The following ASIC2 variants were observed in gnomAD, a reference collection of about 807,000 sequenced individuals.
ASIC2 encodes acid-sensing ion channel 2.
ASIC2 carries 25 observed loss-of-function variants against 57.3 expected under a neutral mutation model. The observed-to-expected ratio is 0.44, with a 90% CI of 0.32 to 0.61. The LOEUF (loss-of-function observed/expected upper bound fraction) is 0.61, where lower values mean the gene tolerates loss of function less well. Among genes scored for constraint, ASIC2 ranks in the 20% least tolerant of loss-of-function variants. ASIC2 has a pLI of 0.06. For synonymous variants in ASIC2, 319 were observed against 307.5 expected (o/e 1.04, Z -0.39); for missense variants, 641 against 738.1 (o/e 0.87, Z 1.52).
rs549487675 is a variant in ASIC2, at chr17:33,197,978, G to A, written c.709-85911C>T. Among the ~76,000 whole-genome samples the A allele has an allele frequency of 3.5e-3, 530 of 152,290 alleles. 4 individuals are homozygous for A. Among genetic ancestry groups the A allele is most frequent in the African/African-American group, 0.012 (497 of 41,564 alleles). On this transcript the variant is annotated intron_variant, in intron 1 of 9. Transcript: ENST00000225823. ...GTCCTGGGCCTCACAGATGTTAGTG[G>A]GGAACCTGGCTCCTGGGAACATTAT...
chr17:33,144,135 C>T (rs1904443562), intron 1 of ASIC2, among the ~76,000 whole-genome samples: 1 of 150,070 alleles, frequency 6.7e-6, no homozygotes, highest in Non-Finnish European at 1.5e-5. Flanking sequence ...AGTTACTTTT[C>T]TGGAATTAAA....
At chr17:33,652,340 C>T (rs1018282117) in intron 1 of ASIC2, among the ~76,000 whole-genome samples, 4 of 152,148 alleles carry the variant, frequency 2.6e-5, no homozygotes, top group Non-Finnish European at 5.9e-5. Context: ...TGTCCTCAGA[C>T]CCATCTCAAG....
intron 1 of ASIC2, among the ~76,000 whole-genome samples, chr17:33,444,582 C>T (rs1911945443): frequency 6.8e-6 from 1 of 146,856 alleles, no homozygotes; most frequent in Admixed American, 6.9e-5. Flanking sequence ...GCTCCCTCCC[C>T]CGGTTGGGAT....
intron 1 of ASIC2, among the ~76,000 whole-genome samples, chr17:34,076,379 C>T (rs1909654247): frequency 6.6e-6 from 1 of 152,080 alleles, no homozygotes; most frequent in African/African-American, 2.4e-5. Context: ...AATCACAGCC[C>T]TCTTCACTCA....
intron 1 of ASIC2, among the ~76,000 whole-genome samples, chr17:33,171,591 T>C (rs1412592811): frequency 1.3e-5 from 2 of 152,254 alleles, no homozygotes; most frequent in African/African-American, 4.8e-5. Flanking sequence ...ACCAGCCTCC[T>C]GACAGGTCTC....
At chr17:34,132,262 T>C (rs1465203597) in intron 1 of ASIC2, among the ~76,000 whole-genome samples, 2 of 152,024 alleles carry the variant, frequency 1.3e-5, no homozygotes, top group Non-Finnish European at 1.5e-5. Context: ...CCGGGGACCT[T>C]TGTGGTGAGT....
intron 1 of ASIC2, among the ~76,000 whole-genome samples, chr17:33,726,143 T>C (rs1909553553): frequency 6.6e-6 from 1 of 152,154 alleles, no homozygotes; most frequent in East Asian, 1.9e-4. Flanking sequence ...TTTGGGACCC[T>C]AGGCTACCAT....
intron 1 of ASIC2, among the ~76,000 whole-genome samples, chr17:33,662,179 A>G (rs758048853): frequency 1.3e-5 from 2 of 152,228 alleles, no homozygotes; most frequent in Non-Finnish European, 2.9e-5. Context: ...AAGCTAAGCC[A>G]CTTGCCTCAA....
At chr17:33,239,019 C>T (rs1055647389) in intron 1 of ASIC2, among the ~76,000 whole-genome samples, 2 of 151,324 alleles carry the variant, frequency 1.3e-5, no homozygotes, top group Non-Finnish European at 2.9e-5. Context: ...AACAAACAAA[C>T]AAACAAACAA....
Position 33,968,312 on chromosome 17 carries a change from C to T in ASIC2, c.555+187666G>A, listed in dbSNP as rs192729531. Among the ~76,000 whole-genome samples, 400 of 152,280 alleles carry T rather than the reference C, an allele frequency of 2.6e-3. 2 individuals carry two copies. The highest frequency in any genetic ancestry group is 9.3e-3 in the African/African-American group (385 of 41,566). On this transcript the variant is annotated intron_variant, in intron 1 of 9. Transcript: ENST00000359872. ...TTCCAAAGCCAGGCCTGGTGTCTGG[C>T]GAGACCTGAACAGGGGGCAGAATCT...
chr17:33,280,208 C>T (rs1181630191), intron 1 of ASIC2, among the ~76,000 whole-genome samples: 1 of 152,170 alleles, frequency 6.6e-6, no homozygotes, highest in Non-Finnish European at 1.5e-5. Context: ...CCGAAACACT[C>T]ATCCCCGGCC....
chr17:34,150,050 C>T (rs1446261876), intron 1 of ASIC2, among the ~76,000 whole-genome samples: 3 of 152,162 alleles, frequency 2.0e-5, no homozygotes, highest in Non-Finnish European at 4.4e-5. Context: ...GAATACTATT[C>T]AGCCTTTAAA....
chr17:33,129,360 T>G (rs896451671), intron 1 of ASIC2, among the ~76,000 whole-genome samples: 1 of 152,320 alleles, frequency 6.6e-6, no homozygotes, highest in African/African-American at 2.4e-5. Flanking sequence ...CTGCAGGAAC[T>G]AGGGGTATTT....
chr17:33,746,883 CAG>C lies in ASIC2; in HGVS notation c.555+409093_555+409094del, dbSNP rs1910284012. ...ATGGGATGAAATTAGAAATTAATAA[CAG>C]AAAGAAATTTGGCAATTTCACAAAT... On this transcript the variant is annotated intron_variant, in intron 1 of 9. Coordinates refer to the ASIC2 transcript ENST00000359872. Among the ~76,000 whole-genome samples, 3 of 151,884 alleles carry C rather than the reference CAG, an allele frequency of 2.0e-5. No individual in the cohort carries two copies. The South Asian group carries it at 6.2e-4, about 32-fold the overall frequency.
At chr17:33,883,028 A>T (rs1158206531) in intron 1 of ASIC2, among the ~76,000 whole-genome samples, 8 of 152,126 alleles carry the variant, frequency 5.3e-5, no homozygotes, top group African/African-American at 1.9e-4. Flanking sequence ...GAAACACCAC[A>T]TGTTCTCACT....
At chr17:33,253,982 T>G (rs1400122650) in intron 1 of ASIC2, among the ~76,000 whole-genome samples, 1 of 152,198 alleles carries the variant, frequency 6.6e-6, no homozygotes, top group Non-Finnish European at 1.5e-5. Context: ...TGAATATTTT[T>G]TGTTTTGTGA....
At chr17:34,038,678 G>A in intron 1 of ASIC2, 6 of 1,592,190 alleles carry the variant, frequency 3.8e-6, no homozygotes. Context: ...CTGGATCTCT[G>A]CTTCCTCCTT....
intron 1 of ASIC2, among the ~76,000 whole-genome samples, chr17:33,342,215 T>C (rs1907748839): frequency 6.6e-6 from 1 of 152,134 alleles, no homozygotes; most frequent in African/African-American, 2.4e-5. Context: ...AGGCTCCTCA[T>C]AAGGAAGTTA....
At chr17:33,322,643 T>C (rs747801631) in intron 1 of ASIC2, among the ~76,000 whole-genome samples, 4 of 152,324 alleles carry the variant, frequency 2.6e-5, no homozygotes, top group East Asian at 1.9e-4. Context: ...AAGACAGAGA[T>C]GGTTCAGACC....
Sources: gnomAD v4.1 joint callset for allele counts (sites outside exome capture counted in the v4.1 genomes callset) on GRCh38, gnomAD v4.1.1 for gene constraint, MANE v1.5 for transcripts, NCBI Gene and HGNC (gene_info 2026-07-23, HGNC 2026-07-21) for gene names.